Variants in ASB2 observed in about 807,000 individuals in gnomAD.
ASB2 encodes the protein ankyrin repeat and SOCS box containing 2, also known as ankyrin repeat and SOCS box protein 2.
Under a neutral mutation model 62.4 loss-of-function variants are expected in ASB2, and 58 were observed. The observed-to-expected ratio is 0.93, with a 90% CI of 0.75 to 1.16. ASB2 has a LOEUF of 1.16. ASB2 is among the 50% of genes most tolerant of loss of function. The probability of loss-of-function intolerance (pLI) is 0.00; values close to 1 mark genes in which losing one functional copy is unlikely to be tolerated. For synonymous variants in ASB2, 386 were observed against 385.3 expected, an observed-to-expected ratio of 1.00 and a Z score of -0.02; for missense variants, 928 against 887.9, an observed-to-expected ratio of 1.05 and a Z score of -0.57.
At chr14:93,959,723 C>A (rs920208123) in intron 2 of ASB2, among the ~76,000 whole-genome samples, 1 of 151,974 alleles carries the variant, frequency 6.6e-6, no homozygotes, top group Non-Finnish European at 1.5e-5. Flanking sequence ...AATTCAGGCA[C>A]GGTCAGCCTC....
At chr14:93,956,652 C>G in intron 3 of ASB2, 114 bp downstream of exon 3, 2 of 1,428,256 alleles carry the variant, frequency 1.4e-6, no homozygotes. Context: ...TGGCAGGTGC[C>G]TCCATAGTGC....
chr14:93,975,792 C>A (rs1889894225), intron 1 of ASB2, among the ~76,000 whole-genome samples: 1 of 152,246 alleles, frequency 6.6e-6, no homozygotes, highest in South Asian at 2.1e-4. Context: ...GGCATCCCAC[C>A]CATCCTTTCA....
chr14:93,947,772 T>A (rs1311203792), intron 6 of ASB2, among the ~76,000 whole-genome samples: 2 of 151,966 alleles, frequency 1.3e-5, no homozygotes, highest in East Asian at 3.9e-4. Context: ...GGCAGGCGGA[T>A]CACCTGAGGT....
chr14:93,942,947 G>C (rs533534529), intron 7 of ASB2, among the ~76,000 whole-genome samples: 1 of 152,152 alleles, frequency 6.6e-6, no homozygotes, highest in Non-Finnish European at 1.5e-5. Flanking sequence ...ACCTTCTTAA[G>C]TCATAATTGT....
intron 1 of ASB2, among the ~76,000 whole-genome samples, chr14:93,970,309 G>A (rs536762479): frequency 2.6e-5 from 4 of 152,184 alleles, no homozygotes; most frequent in East Asian, 3.9e-4. Context: ...GACTTGGGTC[G>A]GACATGTGAG....
intron 1 of ASB2, among the ~76,000 whole-genome samples, chr14:93,969,526 C>A (rs1889696830): frequency 6.6e-6 from 1 of 152,184 alleles, no homozygotes; most frequent in South Asian, 2.1e-4. Flanking sequence ...AAGATGCTGC[C>A]CAGCTTGATT....
chr14:93,948,857 G>A (rs1383679843), intron 6 of ASB2, among the ~76,000 whole-genome samples: 2 of 152,212 alleles, frequency 1.3e-5, no homozygotes, highest in Admixed American at 1.3e-4. Flanking sequence ...GATTACTTGA[G>A]CCCAGGAGGT....
At chr14:93,970,983 G>A (rs559973160) in intron 1 of ASB2, among the ~76,000 whole-genome samples, 22 of 152,296 alleles carry the variant, frequency 1.4e-4, no homozygotes, top group African/African-American at 4.8e-4. Context: ...ATTCTCTGCC[G>A]TGATCCCAGA....
intron 2 of ASB2, among the ~76,000 whole-genome samples, chr14:93,962,755 G>A (rs916334362): frequency 6.6e-6 from 1 of 152,194 alleles, no homozygotes; most frequent in African/African-American, 2.4e-5. Context: ...AGACACCTGA[G>A]GGGACGTGCT....
chr14:93,939,416 G>A lies in ASB2; in HGVS notation c.1309C>T (p.Pro437Ser). 6.2e-7 allele frequency: 1 copy of A among 1,612,854 alleles called. No homozygotes were observed. The highest frequency in any genetic ancestry group is 8.5e-7 in the Non-Finnish European group (1 of 1,179,842). Reference protein sequence around the residue: ...TELLLQHGADPNRDVISPLLV... With the variant: ...TELLLQHGADSNRDVISPLLV... ...AAGGGGCTGATGACGTCGCGGTTGG[G>A]GTCGGCGCCGTGTTGCAGCAGCAGC... Residue 437 changes from proline (P) to serine (S), a missense_variant, in exon 8 of 10, where the codon CCC (proline) becomes TCC (serine). By Grantham distance (74) the Pro-to-Ser change is moderately conservative. Coordinates refer to ENST00000555019, the MANE Select transcript of ASB2 (RefSeq NM_001202429.2).
chr14:93,939,389 G>GC lies in ASB2; in HGVS notation c.1335dup (p.Leu446AlafsTer97). The GC allele has an allele frequency of 3.7e-6, 6 of 1,612,884 alleles. No homozygotes were observed. Among genetic ancestry groups the GC allele is most frequent in the Non-Finnish European group, 5.1e-6 (6 of 1,179,832 alleles). Reference sequence around the variant, plus strand: ...AGGCAGCCGTGGCGGATGGCCACGAGCAAGGGGCTGATGACGTCGCGGTTG... The same window carrying GC: ...AGGCAGCCGTGGCGGATGGCCACGAGCCAAGGGGCTGATGACGTCGCGGTTG... On this transcript the variant is annotated frameshift_variant, in exon 8 of 10. Coordinates refer to ENST00000555019, the MANE Select transcript of ASB2 (RefSeq NM_001202429.2). LOFTEE classifies it high-confidence loss of function.
intron 7 of ASB2, among the ~76,000 whole-genome samples, chr14:93,945,831 C>G (rs1888703184): frequency 6.6e-6 from 1 of 152,180 alleles, no homozygotes; most frequent in African/African-American, 2.4e-5. Flanking sequence ...GACCCCATTT[C>G]CCTCTGCCTT....
intron 6 of ASB2, among the ~76,000 whole-genome samples, chr14:93,947,995 GAAAAAAAAAAA>G (rs55666799): frequency 2.8e-5 from 2 of 72,478 alleles, no homozygotes; most frequent in East Asian, 5.3e-4. Flanking sequence ...ACTCCGCCTG[GAAAAAAAAAAA>G]AAAAAAAAAA....
intron 7 of ASB2, among the ~76,000 whole-genome samples, chr14:93,945,743 C>G (rs1414214677): frequency 1.3e-5 from 2 of 152,142 alleles, no homozygotes; most frequent in Non-Finnish European, 2.9e-5. Flanking sequence ...TGCAGGCAAC[C>G]TGCACAGAAG....
chr14:93,947,597 T>TA, intron 6 of ASB2, 77 bp from the exon 7 acceptor site: 1 of 1,493,192 alleles, frequency 6.7e-7, no homozygotes, highest in Non-Finnish European at 9.2e-7. Context: ...CACCGCGTGG[T>TA]GGGCCTGCTG....
In ASB2 at chr14:93,957,017, G is replaced by A. The variant is rs150248187; in HGVS notation, c.207-147C>T. On this transcript the variant is annotated intron_variant, in intron 2 of 9. Coordinates refer to ENST00000555019, the MANE Select transcript of ASB2 (RefSeq NM_001202429.2). ...GGGCTCTGAACCAAAGCAGATGGCC[G>A]GGTCCTCTGTGTGCTGGACACAGCT... 546 of 1,533,126 alleles carry A rather than the reference G, an allele frequency of 3.6e-4. 1 individual carries two copies. The highest frequency in any genetic ancestry group is 3.4e-3 in the African/African-American group (251 of 72,766). The allele number at this position is 1,533,126 out of a possible 1,614,324, so 95.0% of individuals were successfully genotyped here.
intron 2 of ASB2, among the ~76,000 whole-genome samples, chr14:93,959,996 C>A (rs1248757129): frequency 8.8e-6 from 1 of 114,002 alleles, no homozygotes. Flanking sequence ...CCACGCCCAC[C>A]CCATGCCACG....
chr14:93,936,470 G>A (rs537878210), intron 9 of ASB2, among the ~76,000 whole-genome samples: 17 of 152,326 alleles, frequency 1.1e-4, no homozygotes, highest in Admixed American at 2.6e-4. Flanking sequence ...GCCAAGGATC[G>A]TGGTGACAGC....
chr14:93,949,477 G>A (rs374001945), intron 6 of ASB2, among the ~76,000 whole-genome samples: 3 of 152,340 alleles, frequency 2.0e-5, no homozygotes, highest in African/African-American at 7.2e-5. Context: ...ATCTCTCAGC[G>A]CAGTGCCTGC....
Sources: gnomAD v4.1 joint callset for allele counts (sites outside exome capture counted in the v4.1 genomes callset) on GRCh38, gnomAD v4.1.1 for gene constraint, MANE v1.5 for transcripts, NCBI Gene and HGNC (gene_info 2026-07-23, HGNC 2026-07-21) for gene names.